The following ARL15 variants were observed in gnomAD, a reference collection of about 807,000 sequenced individuals.
The protein encoded by ARL15 is ARF like GTPase 15.
ARL15 carries 19 observed loss-of-function variants against 25.2 expected under a neutral mutation model. That is an observed-to-expected ratio of 0.75 (90% CI 0.53 to 1.10). The LOEUF (loss-of-function observed/expected upper bound fraction) is 1.10. Ranked by LOEUF, ARL15 falls within the 50% of genes least tolerant of loss-of-function variation. The pLI is 0.00. For synonymous variants in ARL15, 94 were observed against 86.8 expected (o/e 1.08, Z -0.46); for missense variants, 220 against 246.0 (o/e 0.89, Z 0.71).
intron 3 of ARL15, among the ~76,000 whole-genome samples, chr5:54,123,615 C>T (rs1753159612): frequency 6.6e-6 from 1 of 152,094 alleles, no homozygotes; most frequent in Admixed American, 6.5e-5. Flanking sequence ...GATGAATGAA[C>T]CATTAAAATC....
chr5:54,090,310 A>G (rs192108697), intron 4 of ARL15, among the ~76,000 whole-genome samples: 1 of 152,336 alleles, frequency 6.6e-6, no homozygotes, highest in Admixed American at 6.5e-5. Context: ...CAAAAATAGA[A>G]GACCACAGAA....
intron 4 of ARL15, among the ~76,000 whole-genome samples, chr5:54,005,680 G>A (rs919320813): frequency 3.7e-4 from 57 of 152,012 alleles, no homozygotes; most frequent in South Asian, 4.2e-4. Context: ...TGGCTAACAA[G>A]GTGCAACCCC....
intron 4 of ARL15, among the ~76,000 whole-genome samples, chr5:53,994,079 A>G (rs973049199): frequency 1.7e-4 from 26 of 152,228 alleles, no homozygotes; most frequent in Admixed American, 5.2e-4. Flanking sequence ...TAAGGATATC[A>G]CAATGTAATT....
chr5:54,123,522 T>C (rs577681265), intron 3 of ARL15, among the ~76,000 whole-genome samples: 2 of 152,260 alleles, frequency 1.3e-5, no homozygotes, highest in Non-Finnish European at 2.9e-5. Context: ...TGTTTTGAAA[T>C]TGCCATTTTT....
intron 4 of ARL15, among the ~76,000 whole-genome samples, chr5:53,898,250 A>G (rs924795437): frequency 6.6e-6 from 1 of 152,064 alleles, no homozygotes; most frequent in Non-Finnish European, 1.5e-5. Context: ...TTTTGCATCT[A>G]TATTCACAAG....
intron 4 of ARL15, among the ~76,000 whole-genome samples, chr5:53,925,412 G>A (rs187843516): frequency 3.3e-5 from 5 of 152,172 alleles, no homozygotes; most frequent in African/African-American, 1.2e-4. Flanking sequence ...GCTCAAGCTG[G>A]TCTTGAACTC....
intron 4 of ARL15, among the ~76,000 whole-genome samples, chr5:53,971,274 C>A (rs1747741177): frequency 6.6e-6 from 1 of 152,074 alleles, no homozygotes; most frequent in South Asian, 2.1e-4. Context: ...GACAGACTAT[C>A]CAAACAGCTG....
At chr5:54,168,117 T>A (rs1754627623) in intron 2 of ARL15, among the ~76,000 whole-genome samples, 1 of 152,312 alleles carries the variant, frequency 6.6e-6, no homozygotes, top group South Asian at 2.1e-4. Context: ...AACTGATATA[T>A]CCTCAGTCCT....
Position 54,081,533 on chromosome 5 carries a change from C to T in ARL15, c.462+31669G>A, listed in dbSNP as rs398768. Reference sequence around the variant, plus strand: ...CACATGTCAAGGGAGAGACCAGGTGCAGTTAACTAGATCATGAAGGTGGTT... The same window carrying T: ...CACATGTCAAGGGAGAGACCAGGTGTAGTTAACTAGATCATGAAGGTGGTT... On this transcript the variant is annotated intron_variant, in intron 4 of 4. Coordinates refer to ENST00000504924, the MANE Select transcript of ARL15 (RefSeq NM_019087.3). Among the ~76,000 whole-genome samples the T allele has an allele frequency of 5.9e-3, 891 of 152,240 alleles. 7 individuals are homozygous for T. Among genetic ancestry groups the T allele is most frequent in the African/African-American group, 0.02 (850 of 41,550 alleles).
rs548458208 is a variant in ARL15, at chr5:54,183,391, G to C, written c.49-11463C>G. On this transcript the variant is annotated intron_variant, in intron 1 of 4. Coordinates refer to ENST00000504924, the MANE Select transcript of ARL15 (RefSeq NM_019087.3). ...TTGAATTTTGTCAAAGGCTTTTTCT[G>C]CATCTATTGAGATAATCATGTGGTT... Among the ~76,000 whole-genome samples, 632 of 130,856 alleles carry C rather than the reference G, an allele frequency of 4.8e-3. 5 individuals are homozygous for C. Among genetic ancestry groups the C allele is most frequent in the African/African-American group, 0.017 (601 of 34,642 alleles). The allele number at this position is 130,856 out of a possible 152,430, so 85.8% of individuals were successfully genotyped here. A position where few individuals can be genotyped will look rare whatever the true frequency, so the allele number is the denominator to read the frequency against.
chr5:53,951,972 T>C (rs1313511400), intron 4 of ARL15, among the ~76,000 whole-genome samples: 1 of 150,974 alleles, frequency 6.6e-6, no homozygotes, highest in Non-Finnish European at 1.5e-5. Flanking sequence ...AAATTGTGTG[T>C]GAAAGAGGAG....
intron 1 of ARL15, among the ~76,000 whole-genome samples, chr5:54,184,495 C>G (rs1579886332): frequency 7.7e-6 from 1 of 130,712 alleles, no homozygotes; most frequent in Non-Finnish European, 1.6e-5. Context: ...CTAGGTTCCA[C>G]AAGTAGACCT....
intron 1 of ARL15, among the ~76,000 whole-genome samples, chr5:54,191,618 T>A (rs1755403095): frequency 6.6e-6 from 1 of 152,112 alleles, no homozygotes. Context: ...TCTAGAATAA[T>A]CCTTGGCACC....
At chr5:54,300,778 C>T (rs1323289493) in intron 1 of ARL15, among the ~76,000 whole-genome samples, 2 of 152,186 alleles carry the variant, frequency 1.3e-5, no homozygotes, top group African/African-American at 4.8e-5. Flanking sequence ...GGACATCTTC[C>T]TAACTAGTCT....
At chr5:54,297,770 G>A (rs975340207) in intron 1 of ARL15, among the ~76,000 whole-genome samples, 1 of 152,024 alleles carries the variant, frequency 6.6e-6, no homozygotes, top group African/African-American at 2.4e-5. Context: ...AAGACCACCA[G>A]GCCCTTCCAT....
chr5:53,910,623 T>TAA (rs201042973), intron 4 of ARL15, among the ~76,000 whole-genome samples: 8 of 61,970 alleles, frequency 1.3e-4, no homozygotes, highest in South Asian at 6.9e-4. Flanking sequence ...TAAAGTATAA[T>TAA]AAAAAAAAAT....
At chr5:54,086,063 C>T (rs749796650) in intron 4 of ARL15, among the ~76,000 whole-genome samples, 14 of 152,044 alleles carry the variant, frequency 9.2e-5, no homozygotes, top group African/African-American at 3.1e-4. Context: ...TACAGGCATG[C>T]GCCACCACGC....
rs541409358 is a variant in ARL15 at position 54,201,399 on chromosome 5, C to A, written c.49-29471G>T. Reference sequence around the variant, plus strand: ...CTTGGTCAAACTTCAGTTAGGCTTCCGAACCTTCTCCTAAACCCATCTGTG... The same window carrying A: ...CTTGGTCAAACTTCAGTTAGGCTTCAGAACCTTCTCCTAAACCCATCTGTG... On this transcript the variant is annotated intron_variant, in intron 1 of 4. Coordinates refer to ENST00000504924, the MANE Select transcript of ARL15 (RefSeq NM_019087.3). Among the ~76,000 whole-genome samples, 347 of 152,172 alleles carry A rather than the reference C, an allele frequency of 2.3e-3. 1 individual carries two copies. Among genetic ancestry groups the A allele is most frequent in the Non-Finnish European group, 4.1e-3 (279 of 68,000 alleles).
At chr5:54,014,626 T>C (rs1291006071) in intron 4 of ARL15, among the ~76,000 whole-genome samples, 1 of 152,086 alleles carries the variant, frequency 6.6e-6, no homozygotes, top group Non-Finnish European at 1.5e-5. Flanking sequence ...GTTCAAGCTA[T>C]TCTCCTGTCT....
Sources: allele counts gnomAD v4.1 joint callset (sites outside exome capture counted in the v4.1 genomes callset), GRCh38; gene constraint gnomAD v4.1.1; transcripts MANE v1.5; gene names NCBI Gene and HGNC (gene_info 2026-07-23, HGNC 2026-07-21).